The following SLC11A2 variants were observed in gnomAD, a reference collection of about 807,000 sequenced individuals.
SLC11A2 encodes the protein natural resistance-associated macrophage protein 2.
SLC11A2 carries 38 observed loss-of-function variants against 68.0 expected under a neutral mutation model. The observed-to-expected ratio is 0.56, with a 90% CI of 0.43 to 0.73. The LOEUF is 0.73. SLC11A2 is among the 30% of genes least tolerant of loss of function. SLC11A2 has a pLI of 0.00. For missense variants in SLC11A2, 517 were observed against 690.5 expected, an observed-to-expected ratio of 0.75 and a Z score of 2.82; for synonymous variants, 242 against 250.6, an observed-to-expected ratio of 0.97 and a Z score of 0.32.
At chr12:51,000,475 C>T in intron 5 of SLC11A2, 56 bp from the exon 6 acceptor site, 1 of 1,395,636 alleles carries the variant, frequency 7.2e-7, no homozygotes, top group South Asian at 1.2e-5. Flanking sequence ...TAAAAAATTC[C>T]TCCACAATTT....
rs1942379156 is a variant in SLC11A2, at chr12:51,002,796, C to T, written c.429+1992G>A. Among the ~76,000 whole-genome samples, 4 of 150,252 alleles carry T rather than the reference C, an allele frequency of 2.7e-5. No homozygotes were observed. In the South Asian group the frequency reaches 8.4e-4, roughly 32 times the overall value. ...CTCTACTAAAAATACAAAAATTGGC[C>T]AGGCGTGGTGATGCACGCCTGTAGT... On this transcript the variant is annotated intron_variant, in intron 5 of 15. Coordinates refer to ENST00000262052, the MANE Select transcript of SLC11A2 (RefSeq NM_000617.3).
chr12:51,024,017 A>C (rs1364555936), intron 1 of SLC11A2, among the ~76,000 whole-genome samples: 3 of 151,962 alleles, frequency 2.0e-5, no homozygotes, highest in African/African-American at 7.3e-5. Flanking sequence ...GAAGTCTTGA[A>C]CTCTCTTATT....
chr12:50,997,150 T>A (rs559018635), intron 8 of SLC11A2, among the ~76,000 whole-genome samples, 178 bp from the exon 9 acceptor site: 86 of 152,268 alleles, frequency 5.6e-4, no homozygotes, highest in African/African-American at 2.0e-3. Flanking sequence ...TGATCACAGC[T>A]CACTGAAACC....
At chr12:50,975,707 G>C (rs1024150860), downstream of SLC11A2, among the ~76,000 whole-genome samples, 1 of 152,092 alleles carries the variant, frequency 6.6e-6, no homozygotes, top group African/African-American at 2.4e-5. Context: ...CCAGGAGCTG[G>C]TTTTTTGAAA....
At chr12:50,969,092 C>T in the SLC11A2 span, among the ~76,000 whole-genome samples, 4 of 151,492 alleles carry the variant, frequency 2.6e-5, no homozygotes, top group East Asian at 4.0e-4. Flanking sequence ...GTCAGGAGTT[C>T]GAGACCAGCC....
At chr12:50,957,184 G>T in the SLC11A2 span, among the ~76,000 whole-genome samples, 4 of 151,438 alleles carry the variant, frequency 2.6e-5, no homozygotes, top group Non-Finnish European at 5.9e-5. Context: ...TTCCAAACAT[G>T]CTATCCACAT....
At chr12:50,967,917 A>C in the SLC11A2 span, among the ~76,000 whole-genome samples, 1 of 152,064 alleles carries the variant, frequency 6.6e-6, no homozygotes, top group East Asian at 1.9e-4. Context: ...CGAATACCCT[A>C]TCTCTACAAA....
At chr12:51,025,633 C>T (rs2136442263) in intron 1 of SLC11A2, 1 of 445,490 alleles carries the variant, frequency 2.2e-6, no homozygotes, top group East Asian at 1.6e-4. Context: ...AGTGGGGACA[C>T]ATGAAACGCA....
intron 1 of SLC11A2, among the ~76,000 whole-genome samples, chr12:51,015,974 G>A (rs1443229948): frequency 6.6e-6 from 1 of 151,860 alleles, no homozygotes; most frequent in Non-Finnish European, 1.5e-5. Context: ...TAGTAAAGAC[G>A]GGGTTTCACC....
At chr12:50,991,708 G>C in intron 13 of SLC11A2, 36 bp from the exon 14 acceptor site, 1 of 1,521,334 alleles carries the variant, frequency 6.6e-7, no homozygotes, top group South Asian at 1.1e-5. Flanking sequence ...GATTACTATG[G>C]GTCCTTGTAT....
the SLC11A2 span, chr12:50,970,454 C>G: frequency 6.7e-7 from 1 of 1,500,454 alleles, no homozygotes; most frequent in African/African-American, 1.4e-5. Context: ...GTTCTCTATT[C>G]TATGTATAAG....
the SLC11A2 span, among the ~76,000 whole-genome samples, chr12:50,963,863 C>A: frequency 1.3e-5 from 2 of 152,142 alleles, no homozygotes; most frequent in Non-Finnish European, 2.9e-5. Context: ...TACCACTGTC[C>A]AGCCCTTGTC....
intron 6 of SLC11A2, among the ~76,000 whole-genome samples, chr12:50,999,969 C>CT: frequency 6.6e-6 from 1 of 152,188 alleles, no homozygotes; most frequent in South Asian, 2.1e-4. Context: ...GATCATACCA[C>CT]TGCACTCCAG....
intron 1 of SLC11A2, among the ~76,000 whole-genome samples, chr12:51,021,773 G>A (rs1944058614): frequency 6.6e-6 from 1 of 152,134 alleles, no homozygotes; most frequent in Non-Finnish European, 1.5e-5. Context: ...AAGAGAAAGT[G>A]GAGAAAATGT....
chr12:50,988,245 CT>C lies in SLC11A2; in HGVS notation c.*79del. ...AACACAGTCTGTGCAACGGCACATA[CT>C]TTTGGCTATGTTCACACAGTAAACC... On this transcript the variant is annotated 3_prime_UTR_variant, in exon 16 of 16. Coordinates refer to ENST00000262052, the MANE Select transcript of SLC11A2 (RefSeq NM_000617.3). The C allele has an allele frequency of 6.2e-7, 1 of 1,607,304 alleles. No individual in the cohort carries two copies. Among genetic ancestry groups the C allele is most frequent in the Non-Finnish European group, 8.5e-7 (1 of 1,176,876 alleles).
chr12:50,991,337 G>T (rs1299269162), intron 14 of SLC11A2: 1 of 556,140 alleles, frequency 1.8e-6, no homozygotes, highest in Non-Finnish European at 3.2e-6. Flanking sequence ...AAAGAATTAA[G>T]GTGCCTCAAA....
intron 8 of SLC11A2, among the ~76,000 whole-genome samples, chr12:50,998,672 TA>T (rs1368156554): frequency 6.6e-6 from 1 of 152,206 alleles, no homozygotes; most frequent in Non-Finnish European, 1.5e-5. Flanking sequence ...AAGGTGCTAG[TA>T]CTGCAAATAA....
At chr12:51,024,458 C>T (rs1944249108) in intron 1 of SLC11A2, 1 of 152,274 alleles carries the variant, frequency 6.6e-6, no homozygotes. Context: ...AGGTGGATCA[C>T]TTGAGGTCAG....
the SLC11A2 span, among the ~76,000 whole-genome samples, chr12:50,963,369 C>CAAAAAAAAAAAAAAA: frequency 8.0e-4 from 58 of 72,288 alleles, no homozygotes; most frequent in Non-Finnish European, 1.2e-3. Flanking sequence ...GACTCCATCT[C>CAAAAAAAAAAAAAAA]AAAAAAAAAA....
Sources: allele counts gnomAD v4.1 joint callset (sites outside exome capture counted in the v4.1 genomes callset), GRCh38; gene constraint gnomAD v4.1.1; transcripts MANE v1.5; gene names NCBI Gene and HGNC (gene_info 2026-07-23, HGNC 2026-07-21).